The following TMEM207 variants were observed in gnomAD, a reference collection of about 807,000 sequenced individuals.
TMEM207 encodes the protein transmembrane protein 207.
Under a neutral mutation model 17.4 loss-of-function variants are expected in TMEM207, and 15 were observed. That is an observed-to-expected ratio of 0.86 (90% CI 0.58 to 1.33). The LOEUF (loss-of-function observed/expected upper bound fraction) is 1.33, where lower values mean the gene tolerates loss of function less well. TMEM207 is among the 40% of genes most tolerant of loss of function. The pLI, the probability that TMEM207 is intolerant of heterozygous loss-of-function variation, is 0.00. For synonymous variants in TMEM207, 70 were observed against 65.6 expected (o/e 1.07, Z -0.33); for missense variants, 205 against 173.8 (o/e 1.18, Z -1.01).
In TMEM207 at chr3:190,440,297, G is replaced by T. The variant is rs1719901744; in HGVS notation, c.251C>A (p.Ser84Tyr). Residue 84 changes from serine to tyrosine, a missense_variant, in exon 4 of 5, where the codon TCT (serine) becomes TAT (tyrosine). Coordinates refer to ENST00000354905, the MANE Select transcript of TMEM207 (RefSeq NM_207316.3). ...QCWLRRPRID[S>Y]HRRTMAVFAV... Reference sequence around the variant, plus strand: ...AAAAACTGCCATGGTGCGCCTGTGAGAATCAATTCGGGGTCTCCTCAGCCA... The same window carrying T: ...AAAAACTGCCATGGTGCGCCTGTGATAATCAATTCGGGGTCTCCTCAGCCA... 1.2e-6 allele frequency: 2 copies of T among 1,613,960 alleles called. No individual in the cohort carries two copies. The highest frequency in any genetic ancestry group is 1.7e-6 in the Non-Finnish European group (2 of 1,180,020).
intron 3 of TMEM207, among the ~76,000 whole-genome samples, chr3:190,440,793 G>A (rs1227197968): frequency 2.6e-5 from 4 of 152,226 alleles, no homozygotes; most frequent in Admixed American, 2.6e-4. Flanking sequence ...GAGGGGCCGG[G>A]CGCGGTGGCT....
At chr3:190,445,825 G>A (rs926368560) in intron 2 of TMEM207, among the ~76,000 whole-genome samples, 3 of 152,078 alleles carry the variant, frequency 2.0e-5, no homozygotes, top group Admixed American at 6.6e-5. Flanking sequence ...GCGCCCGGTC[G>A]ACCAGTTTTG....
At chr3:190,446,727 G>A (rs1183794555) in intron 2 of TMEM207, among the ~76,000 whole-genome samples, 1 of 152,112 alleles carries the variant, frequency 6.6e-6, no homozygotes, top group Admixed American at 6.5e-5. Context: ...TCTTAATACC[G>A]TATGTTTCTG....
Position 190,429,491 on chromosome 3 carries a change from T to C in TMEM207, c.*104A>G. 4.0e-6 allele frequency: 6 copies of C among 1,490,872 alleles called. No homozygotes were observed. The highest frequency in any genetic ancestry group is 3.8e-5 in the South Asian group (3 of 78,668). The allele number at this position is 1,490,872 out of a possible 1,614,324, so 92.4% of individuals were successfully genotyped here. On this transcript the variant is annotated 3_prime_UTR_variant, in exon 5 of 5. Coordinates refer to ENST00000354905, the MANE Select transcript of TMEM207 (RefSeq NM_207316.3). ...ATTGTCCTTCCTCAGACTATATGAATAGATCTCTGGACATTTCCAACAACT... is the reference window on the plus strand; with the variant it reads ...ATTGTCCTTCCTCAGACTATATGAACAGATCTCTGGACATTTCCAACAACT...
intron 3 of TMEM207, 57 bp from the exon 4 acceptor site, chr3:190,440,446 G>GAATGAGGTAGAGTATGCA: frequency 3.3e-6 from 5 of 1,500,586 alleles, no homozygotes; most frequent in Non-Finnish European, 3.6e-6. Context: ...GAAGTTAAGA[G>GAATGAGGTAGAGTATGCA]CTTCCATCAC....
chr3:190,447,452 A>AT (rs372639231), intron 2 of TMEM207, among the ~76,000 whole-genome samples: 1 of 152,116 alleles, frequency 6.6e-6, no homozygotes, highest in Non-Finnish European at 1.5e-5. Context: ...GGTCACTGTG[A>AT]TTTTTGAGTG....
At chr3:190,429,848 G>T in intron 4 of TMEM207, 117 bp from the exon 5 acceptor site, 2 of 1,239,578 alleles carry the variant, frequency 1.6e-6, no homozygotes, top group East Asian at 5.2e-5. Flanking sequence ...AAAATTATTT[G>T]TATCTATGAG....
intron 4 of TMEM207, among the ~76,000 whole-genome samples, chr3:190,433,629 C>T (rs1036230001): frequency 2.6e-5 from 4 of 152,082 alleles, no homozygotes; most frequent in African/African-American, 4.8e-5. Flanking sequence ...AATTTGCATA[C>T]ATTCCTTTGA....
At chr3:190,429,833 A>G in intron 4 of TMEM207, 102 bp from the exon 5 acceptor site, 1 of 1,347,536 alleles carries the variant, frequency 7.4e-7, no homozygotes, top group Admixed American at 2.6e-5. Context: ...TCGCTGAAGC[A>G]ACAGAAAATT....
intron 2 of TMEM207, chr3:190,444,556 G>A (rs1383482343): frequency 6.9e-6 from 4 of 581,860 alleles, no homozygotes; most frequent in East Asian, 1.4e-4. Flanking sequence ...ACAGAGAATA[G>A]GCCAATAGTG....
intron 4 of TMEM207, among the ~76,000 whole-genome samples, chr3:190,437,448 T>C (rs1719827878): frequency 6.6e-6 from 1 of 152,264 alleles, no homozygotes; most frequent in African/African-American, 2.4e-5. Context: ...CTTTTCCAAG[T>C]TGATATTTAG....
Position 190,449,882 on chromosome 3 carries a change from G to C in TMEM207, c.-73C>G. 7.4e-7 allele frequency: 1 copy of C among 1,357,864 alleles called. No individual in the cohort carries two copies. Among genetic ancestry groups the C allele is most frequent in the Non-Finnish European group, 1.1e-6 (1 of 951,518 alleles). The allele number at this position is 1,357,864 out of a possible 1,614,324, so 84.1% of individuals were successfully genotyped here. A position where few individuals can be genotyped will look rare whatever the true frequency, so the allele number is the denominator to read the frequency against. On this transcript the variant is annotated 5_prime_UTR_variant, in exon 1 of 5. Coordinates refer to ENST00000354905, the MANE Select transcript of TMEM207 (RefSeq NM_207316.3). ...TTTCCTTCTTTCTCAGAACTTACTA[G>C]CTTCTCTATAAGTTATGCTTCCTAC...
intron 2 of TMEM207, among the ~76,000 whole-genome samples, chr3:190,442,571 C>T (rs1719958191): frequency 6.6e-6 from 1 of 152,170 alleles, no homozygotes. Flanking sequence ...TCATTCCCCT[C>T]CACATATAAA....
intron 4 of TMEM207, among the ~76,000 whole-genome samples, chr3:190,438,014 C>T (rs1366323503): frequency 4.1e-5 from 6 of 145,794 alleles, no homozygotes; most frequent in South Asian, 4.3e-4. Context: ...AACCAAACAC[C>T]GTGTGTTCTC....
intron 2 of TMEM207, chr3:190,444,573 G>T: frequency 2.4e-6 from 1 of 425,332 alleles, no homozygotes; most frequent in Non-Finnish European, 3.1e-6. Flanking sequence ...AGTGAGATCA[G>T]TTTGTAAACC....
intron 4 of TMEM207, among the ~76,000 whole-genome samples, chr3:190,436,107 C>G (rs1055969741): frequency 6.6e-6 from 1 of 152,180 alleles, no homozygotes; most frequent in Admixed American, 6.5e-5. Context: ...GAGAGTCCAA[C>G]CTTTGCCCTA....
At chr3:190,448,740 T>G (rs1326642956) in intron 1 of TMEM207, among the ~76,000 whole-genome samples, 1 of 151,936 alleles carries the variant, frequency 6.6e-6, no homozygotes, top group African/African-American at 2.4e-5. Context: ...GACTTGGGAG[T>G]TCTGTGTGAG....
chr3:190,435,643 T>C (rs1269759897), intron 4 of TMEM207, among the ~76,000 whole-genome samples: 2 of 152,152 alleles, frequency 1.3e-5, no homozygotes, highest in East Asian at 3.9e-4. Flanking sequence ...CCAAAGACTT[T>C]CGAGAAGCCC....
chr3:190,448,699 C>A (rs1264015468), intron 1 of TMEM207, among the ~76,000 whole-genome samples: 1 of 152,086 alleles, frequency 6.6e-6, no homozygotes, highest in African/African-American at 2.4e-5. Context: ...AATAAAAGTA[C>A]AAGTAAGAAG....
Sources: allele counts gnomAD v4.1 joint callset (sites outside exome capture counted in the v4.1 genomes callset), GRCh38; gene constraint gnomAD v4.1.1; transcripts MANE v1.5; gene names NCBI Gene and HGNC (gene_info 2026-07-23, HGNC 2026-07-21).